Variants in ABCC5 observed in about 807,000 individuals in gnomAD.
ABCC5 encodes the protein ATP-binding cassette sub-family C member 5.
A neutral mutation model predicts 160.9 loss-of-function variants in ABCC5; 61 were observed. That is an observed-to-expected ratio of 0.38 (90% CI 0.31 to 0.47). The LOEUF (loss-of-function observed/expected upper bound fraction) is 0.47, where lower values mean the gene tolerates loss of function less well. ABCC5 is among the 20% of genes least tolerant of loss of function. ABCC5 has a pLI of 0.99. For synonymous variants in ABCC5, 666 were observed against 700.6 expected, an observed-to-expected ratio of 0.95 and a Z score of 0.78; for missense variants, 1,308 against 1,813.3, an observed-to-expected ratio of 0.72 and a Z score of 5.06.
At chr3:184,010,916 A>G (rs1022325931) in intron 2 of ABCC5, among the ~76,000 whole-genome samples, 4 of 150,252 alleles carry the variant, frequency 2.7e-5, no homozygotes, top group African/African-American at 4.9e-5. Flanking sequence ...TCCTGCCTCA[A>G]CCTCCCAAGT....
chr3:183,991,666 T>C (rs1418381872), intron 2 of ABCC5, among the ~76,000 whole-genome samples: 2 of 152,192 alleles, frequency 1.3e-5, no homozygotes, highest in African/African-American at 4.8e-5. Context: ...TTCAAGAGAA[T>C]AATGGTACAA....
intron 5 of ABCC5, chr3:183,986,751 G>C (rs1719253435): frequency 6.6e-6 from 1 of 152,130 alleles, no homozygotes; most frequent in Non-Finnish European, 1.5e-5. Context: ...CTGGCTCTAT[G>C]AAAATGTTTG....
At chr3:183,946,001 T>C in intron 23 of ABCC5, 62 bp from the exon 24 acceptor site, 1 of 1,465,736 alleles carries the variant, frequency 6.8e-7, no homozygotes, top group Non-Finnish European at 9.5e-7. Context: ...AGGCCAATGC[T>C]GGAGAACTTC....
rs11552530 is a variant in ABCC5 at position 183,947,437 on chromosome 3, G to A, written c.3301C>T (p.Arg1101Trp). The A allele has an allele frequency of 6.2e-6, 10 of 1,613,090 alleles. No individual in the cohort carries two copies. Among genetic ancestry groups the A allele is most frequent in the East Asian group, 2.2e-5 (1 of 44,848 alleles). Residue 1101 changes from arginine (R) to tryptophan (W), a missense_variant, in exon 23 of 30, where the codon CGG (arginine) becomes TGG (tryptophan). Transcript: ENST00000334444. Reference protein sequence around the residue: ...FTCAMRWLAVRLDLISIALIT... With the variant: ...FTCAMRWLAVWLDLISIALIT... ...AGGGCGATGCTGATGAGGTCCAGCC[G>A]CACAGCCAGCCACCGCATCGCACAC...
rs1218859902 is a variant in ABCC5 at position 183,925,844 on chromosome 3, T to TC, written c.4048-126_4048-125insG. The stretch of plus-strand genomic sequence containing the variant: ...ATCTATTGTTTTCTTTTCTTTCTTT[T>TC]TTTTTTTTTTTTGAGACGGAGTCTT... On this transcript the variant is annotated intron_variant, in intron 28 of 29. Transcript: ENST00000334444. 32 of 976,046 alleles carry TC rather than the reference T, an allele frequency of 3.3e-5. No homozygotes were observed. In the African/African-American group the frequency reaches 4.2e-4, roughly 13 times the overall value. 60.5% of individuals were successfully genotyped at this position (976,046 alleles called of 1,614,324 possible).
At chr3:183,925,264 T>C (rs1012684889) in intron 29 of ABCC5, among the ~76,000 whole-genome samples, 3 of 152,198 alleles carry the variant, frequency 2.0e-5, no homozygotes, top group African/African-American at 4.8e-5. Flanking sequence ...GGGGTGATCA[T>C]TGTGTATGTG....
At chr3:183,943,516 A>G (rs1714557517) in intron 24 of ABCC5, among the ~76,000 whole-genome samples, 2 of 152,216 alleles carry the variant, frequency 1.3e-5, no homozygotes, top group Non-Finnish European at 2.9e-5. Context: ...TTGAGAATCT[A>G]TTCCAGCTCA....
intron 2 of ABCC5, among the ~76,000 whole-genome samples, chr3:183,997,594 C>T (rs1272682160): frequency 2.6e-5 from 4 of 152,258 alleles, no homozygotes; most frequent in African/African-American, 7.2e-5. Flanking sequence ...AAGCTGTCTT[C>T]CTCTTGTTTA....
intron 25 of ABCC5, among the ~76,000 whole-genome samples, chr3:183,941,158 C>T (rs759886125): frequency 2.6e-5 from 4 of 152,192 alleles, no homozygotes; most frequent in Non-Finnish European, 5.9e-5. Context: ...CTGCACCTGG[C>T]CACTATGTTC....
chr3:183,967,468 T>G, intron 12 of ABCC5: 4 of 512,312 alleles, frequency 7.8e-6, no homozygotes, highest in South Asian at 6.0e-5. Context: ...TGGTTCCAGC[T>G]GGGACAACAG....
chr3:183,953,059 A>G, intron 18 of ABCC5, 27 bp downstream of exon 18: 1 of 1,601,876 alleles, frequency 6.2e-7, no homozygotes, highest in East Asian at 2.2e-5. Context: ...TTAGACACAG[A>G]ACTTTCCCAT....
chr3:183,947,209 G>T, intron 23 of ABCC5, 115 bp downstream of exon 23: 1 of 1,127,912 alleles, frequency 8.9e-7, no homozygotes, highest in Non-Finnish European at 1.2e-6. Flanking sequence ...CAATTCTAGG[G>T]GTCCAGAGGT....
At chr3:183,997,703 T>C (rs1183239172) in intron 2 of ABCC5, among the ~76,000 whole-genome samples, 1 of 152,184 alleles carries the variant, frequency 6.6e-6, no homozygotes, top group Non-Finnish European at 1.5e-5. Context: ...ATTCTACATA[T>C]CATCAATTAA....
At position 184,017,177 on chromosome 3, in the gene ABCC5, C is replaced by A. The variant is rs1473351118; in HGVS notation, c.-56+653G>T. Among the ~76,000 whole-genome samples the A allele has an allele frequency of 6.6e-6, 1 of 152,168 alleles. No homozygotes were observed. The highest frequency in any genetic ancestry group is 2.4e-5 in the African/African-American group (1 of 41,430). On this transcript the variant is annotated intron_variant, in intron 1 of 29. Coordinates refer to ENST00000334444, the MANE Select transcript of ABCC5 (RefSeq NM_005688.4). This position sits in a 1 kb window ranked among gnomAD's most constrained non-coding sequence, Gnocchi z 4.5. ...TCCGTCTGTGCAGAAACCAAATGGC[C>A]CCTGTGTGATAAACACAAAGCCACC... is the stretch of plus-strand genomic sequence containing the variant.
At chr3:183,966,261 C>T (rs892202974) in intron 12 of ABCC5, among the ~76,000 whole-genome samples, 30 of 152,204 alleles carry the variant, frequency 2.0e-4, no homozygotes, top group African/African-American at 7.2e-4. Flanking sequence ...CGTGTACACA[C>T]ACAGGTGTAC....
intron 5 of ABCC5, chr3:183,985,056 G>T: frequency 2.9e-6 from 2 of 686,230 alleles, no homozygotes; most frequent in South Asian, 1.9e-5. Flanking sequence ...TTCAAAGGGG[G>T]GGAAAAAGAG....
chr3:184,010,301 A>G (rs374348784), intron 2 of ABCC5: 3 of 151,702 alleles, frequency 2.0e-5, no homozygotes, highest in Admixed American at 6.6e-5. Context: ...TTTAGGAAAC[A>G]TGAAAGAATA....
chr3:183,984,582 T>A, intron 5 of ABCC5: 12 of 1,344,474 alleles, frequency 8.9e-6, no homozygotes, highest in Non-Finnish European at 1.1e-5. Context: ...ACCAATCAGA[T>A]TTTTGCCAAG....
chr3:184,013,458 T>C (rs1721923692), intron 2 of ABCC5, among the ~76,000 whole-genome samples: 1 of 152,114 alleles, frequency 6.6e-6, no homozygotes, highest in South Asian at 2.1e-4. Context: ...TTCACCGTGT[T>C]GGCCAGGCTG....
Sources: gnomAD v4.1 joint callset for allele counts (sites outside exome capture counted in the v4.1 genomes callset) on GRCh38, gnomAD v4.1.1 for gene constraint, Gnocchi (gnomAD v3.1) non-coding constraint, MANE v1.5 for transcripts, NCBI Gene and HGNC (gene_info 2026-07-23, HGNC 2026-07-21) for gene names.